Variants in NECAB2 observed in about 807,000 individuals in gnomAD.
NECAB2 encodes the protein N-terminal EF-hand calcium binding protein 2, also known as N-terminal EF-hand calcium-binding protein 2.
A neutral mutation model predicts 51.9 loss-of-function variants in NECAB2; 68 were observed. That is an observed-to-expected ratio of 1.31 (90% CI 1.08 to 1.60). The LOEUF (loss-of-function observed/expected upper bound fraction) is 1.60, where lower values mean the gene tolerates loss of function less well. Ranked by LOEUF, NECAB2 falls within the 40% of genes most tolerant of loss-of-function variation. NECAB2 has a pLI of 0.00. For synonymous variants in NECAB2, 329 were observed against 203.5 expected, an observed-to-expected ratio of 1.62 and a Z score of -5.25; for missense variants, 854 against 490.3, an observed-to-expected ratio of 1.74 and a Z score of -7.00.
chr16:84,001,439 A>G (rs113142254), intron 11 of NECAB2, among the ~76,000 whole-genome samples: 3 of 152,120 alleles, frequency 2.0e-5, no homozygotes, highest in East Asian at 3.9e-4. Context: ...ATGAGAAGTG[A>G]GAGTGTCCCC....
chr16:83,971,514 C>G (rs981241072), intron 1 of NECAB2: 1 of 152,470 alleles, frequency 6.6e-6, no homozygotes, highest in Non-Finnish European at 1.5e-5. Flanking sequence ...CGAGGAGGCA[C>G]CTGGTCTTGT....
rs755129731 is a variant in NECAB2 at position 84,002,351 on chromosome 16, C to T, written c.*5C>T. On this transcript the variant is annotated 3_prime_UTR_variant, in exon 13 of 13. Transcript: ENST00000305202. ...TGCACGGTGGGACGGGACTGACAGC[C>T]TCCCAGAGGCCCGTGGAGGAGCCCA... 4 of 1,613,966 alleles carry T rather than the reference C, an allele frequency of 2.5e-6. No individual in the cohort carries two copies. In the South Asian group the frequency reaches 3.3e-5, roughly 13 times the overall value.
intron 6 of NECAB2, among the ~76,000 whole-genome samples, chr16:83,991,573 G>A (rs2084626142): frequency 6.6e-6 from 1 of 151,496 alleles, no homozygotes. Context: ...CACCATGTTG[G>A]CCAGGCTGGT....
chr16:83,994,405 A>C lies in NECAB2; in HGVS notation c.700A>C (p.Lys234Gln). ...NHKLMAMEQG[K>Q]TLPSATEDAK... Reference sequence around the variant, plus strand: ...CAAGCTCATGGCTATGGAACAAGGCAAGACCCTTCCATCTGGTGAGAGAAA... The same window carrying C: ...CAAGCTCATGGCTATGGAACAAGGCCAGACCCTTCCATCTGGTGAGAGAAA... The change falls in exon 7 of 13, where the codon AAG (lysine) becomes CAG (glutamine). Residue 234 changes from lysine to glutamine, a missense_variant. Physicochemically the swap from Lys to Gln is moderately conservative, Grantham distance 53. Transcript: ENST00000305202. 1.2e-6 allele frequency: 2 copies of C among 1,614,148 alleles called. No individual in the cohort carries two copies. Among genetic ancestry groups the C allele is most frequent in the Non-Finnish European group, 1.7e-6 (2 of 1,179,990 alleles).
At chr16:83,966,243 G>A (rs1440068655), upstream of NECAB2, 1 of 546,682 alleles carries the variant, frequency 1.8e-6, no homozygotes, top group Non-Finnish European at 3.2e-6. Context: ...GGGGAAAGCT[G>A]CTGGTGTGAC....
Position 83,998,310 on chromosome 16 carries a change from T to A in NECAB2, c.955T>A (p.Cys319Ser), listed in dbSNP as rs774755789. 2.5e-6 allele frequency: 4 copies of A among 1,613,458 alleles called. No individual in the cohort carries two copies. Among genetic ancestry groups the A allele is most frequent in the Admixed American group, 3.3e-5 (2 of 59,998 alleles). The change falls in exon 10 of 13, where the codon TGC becomes AGC. Residue 319 changes from cysteine to serine, a missense_variant. Cys to Ser is a moderately radical substitution (Grantham distance 112, BLOSUM62 -1). Coordinates refer to ENST00000305202, the MANE Select transcript of NECAB2 (RefSeq NM_019065.3). ...YLRGTTGVRN[C>S]FHITAVRLSD... The stretch of plus-strand genomic sequence containing the variant: ...GCGGGGGACCACTGGCGTGAGGAAC[T>A]GCTTCCAGTGAGTGAGCTGCCGAGG...
intron 3 of NECAB2, 75 bp downstream of exon 3, chr16:83,978,627 G>T: frequency 4.7e-6 from 6 of 1,284,484 alleles, no homozygotes; most frequent in Non-Finnish European, 4.5e-6. Flanking sequence ...TCTAGTGTCC[G>T]TTCCTAGTCC....
intron 8 of NECAB2, 65 bp from the exon 9 acceptor site, chr16:83,997,151 C>G (rs1274338709): frequency 1.2e-6 from 2 of 1,604,890 alleles, no homozygotes; most frequent in Non-Finnish European, 1.7e-6. Context: ...GATCCCAGAG[C>G]TCCTGGCTCC....
At chr16:83,977,596 TGTG>T (rs1265027444) in intron 2 of NECAB2, among the ~76,000 whole-genome samples, 5 of 152,024 alleles carry the variant, frequency 3.3e-5, no homozygotes, top group African/African-American at 9.7e-5. Flanking sequence ...ACAGAGGAGC[TGTG>T]GAGGCCCCTC....
At chr16:84,001,229 T>G (rs923077999) in intron 11 of NECAB2, among the ~76,000 whole-genome samples, 93 of 151,764 alleles carry the variant, frequency 6.1e-4, no homozygotes, top group African/African-American at 2.2e-3. Flanking sequence ...GGGTAGGGTG[T>G]CAGCAGCTCT....
intron 5 of NECAB2, among the ~76,000 whole-genome samples, chr16:83,989,665 C>G (rs1307513722): frequency 6.6e-6 from 1 of 152,144 alleles, no homozygotes; most frequent in African/African-American, 2.4e-5. Context: ...CCTTGAGCGA[C>G]GTGGGTAAGC....
chr16:83,979,753 G>A (rs1476857540), intron 3 of NECAB2, among the ~76,000 whole-genome samples: 1 of 151,940 alleles, frequency 6.6e-6, no homozygotes, highest in South Asian at 2.1e-4. Flanking sequence ...CGTGTGGGTG[G>A]GTGGGGGTGC....
intron 6 of NECAB2, among the ~76,000 whole-genome samples, chr16:83,992,497 G>A (rs944567196): frequency 1.3e-5 from 2 of 151,894 alleles, no homozygotes; most frequent in Non-Finnish European, 2.9e-5. Flanking sequence ...ACAGATGAGG[G>A]AAACAGCCAG....
intron 2 of NECAB2, among the ~76,000 whole-genome samples, chr16:83,972,748 T>C (rs1217969227): frequency 3.3e-5 from 5 of 152,150 alleles, no homozygotes; most frequent in Non-Finnish European, 7.3e-5. Flanking sequence ...TCTTTAAAAA[T>C]GTGAGCAGCG....
chr16:83,969,883 C>T (rs933046857), intron 1 of NECAB2, among the ~76,000 whole-genome samples: 1 of 152,200 alleles, frequency 6.6e-6, no homozygotes. Context: ...GGATTCCCTC[C>T]CTTCCTCTCT....
At chr16:83,987,577 CA>C (rs2084571964) in intron 5 of NECAB2, among the ~76,000 whole-genome samples, 1 of 151,792 alleles carries the variant, frequency 6.6e-6, no homozygotes, top group Non-Finnish European at 1.5e-5. Context: ...AATCTGTGTT[CA>C]AAAATCTATT....
At position 84,002,423 on chromosome 16, in the gene NECAB2, A is replaced by G; in HGVS notation, c.*77A>G. 1 of 1,529,716 alleles carries G rather than the reference A, an allele frequency of 6.5e-7. No individual in the cohort carries two copies. The highest frequency in any genetic ancestry group is 9.0e-7 in the Non-Finnish European group (1 of 1,105,578). 94.8% of individuals were successfully genotyped at this position (1,529,716 alleles called of 1,614,324 possible). Reference sequence around the variant, plus strand: ...GGAAATCCCGTTTTTTTCTAGACAGACACTTTGGTGCAGAAGCTTCTTTTC... The same window carrying G: ...GGAAATCCCGTTTTTTTCTAGACAGGCACTTTGGTGCAGAAGCTTCTTTTC... On this transcript the variant is annotated 3_prime_UTR_variant, in exon 13 of 13. Transcript: ENST00000305202.
chr16:83,986,228 G>C (rs894503394), intron 5 of NECAB2, among the ~76,000 whole-genome samples: 1 of 152,140 alleles, frequency 6.6e-6, no homozygotes, highest in African/African-American at 2.4e-5. Flanking sequence ...TGTTGGCCAG[G>C]CTGGTCTTGA....
intron 8 of NECAB2, among the ~76,000 whole-genome samples, chr16:83,996,347 G>A (rs1397585992): frequency 6.6e-6 from 1 of 152,216 alleles, no homozygotes; most frequent in East Asian, 1.9e-4. Context: ...GCCAGGATCA[G>A]CTACTACAGA....
Sources: gnomAD v4.1 joint callset for allele counts (sites outside exome capture counted in the v4.1 genomes callset) on GRCh38, gnomAD v4.1.1 for gene constraint, MANE v1.5 for transcripts, NCBI Gene and HGNC (gene_info 2026-07-23, HGNC 2026-07-21) for gene names.